Variants in AGMO observed in about 807,000 individuals in gnomAD.
The protein encoded by AGMO is glyceryl-ether monooxygenase.
A neutral mutation model predicts 60.2 loss-of-function variants in AGMO; 75 were observed. The observed-to-expected ratio is 1.25, with a 90% CI of 1.03 to 1.51. AGMO has a LOEUF of 1.51. Among genes scored for constraint, AGMO ranks in the 40% most tolerant of loss-of-function variants. The probability of loss-of-function intolerance (pLI) is 0.00; values close to 1 mark genes in which losing one functional copy is unlikely to be tolerated. For missense variants in AGMO, 763 were observed against 525.5 expected, an observed-to-expected ratio of 1.45 and a Z score of -4.42; for synonymous variants, 261 against 177.1, an observed-to-expected ratio of 1.47 and a Z score of -3.76.
chr7:15,161,693 ATGTG>A, the AGMO span, among the ~76,000 whole-genome samples: 9 of 150,984 alleles, frequency 6.0e-5, no homozygotes, highest in East Asian at 1.9e-4. Flanking sequence ...ATATGTATAT[ATGTG>A]TGTGTGTATA....
intron 12 of AGMO, among the ~76,000 whole-genome samples, chr7:15,355,524 AGAAGGTAAGATCATG>A (rs1461468870): frequency 6.6e-6 from 1 of 150,612 alleles, no homozygotes; most frequent in Non-Finnish European, 1.5e-5. Flanking sequence ...AAAAAAAAAA[AGAAGGTAAGATCATG>A]GAATTAATTC....
At chr7:15,274,464 A>T (rs958708512) in intron 12 of AGMO, among the ~76,000 whole-genome samples, 2 of 152,174 alleles carry the variant, frequency 1.3e-5, no homozygotes, top group African/African-American at 4.8e-5. Context: ...CCCAGGGTGA[A>T]GCCCACTTGA....
intron 10 of AGMO, among the ~76,000 whole-genome samples, chr7:15,380,167 T>A (rs10261311): frequency 0.47 from 71,694 of 151,818 alleles, 20,068 homozygotes; most frequent in African/African-American, 0.79. Context: ...GGGCAGGGCA[T>A]TCAGGCAAGA....
intron 12 of AGMO, among the ~76,000 whole-genome samples, chr7:15,205,547 T>C (rs2115469941): frequency 6.6e-6 from 1 of 152,302 alleles, no homozygotes; most frequent in Middle Eastern, 3.4e-3. Context: ...ACTAATAAGA[T>C]GAATAAACAT....
intron 12 of AGMO, among the ~76,000 whole-genome samples, chr7:15,352,397 A>C (rs1782274777): frequency 1.3e-5 from 2 of 151,158 alleles, no homozygotes; most frequent in Admixed American, 1.3e-4. Context: ...CTACAAACTC[A>C]CGTGCAAACC....
chr7:15,471,321 T>C (rs966305592), intron 3 of AGMO, among the ~76,000 whole-genome samples: 5 of 151,936 alleles, frequency 3.3e-5, no homozygotes, highest in Non-Finnish European at 7.4e-5. Context: ...CTTCATCGTA[T>C]ATCTGAACAT....
At chr7:15,161,827 G>A in the AGMO span, among the ~76,000 whole-genome samples, 1 of 152,012 alleles carries the variant, frequency 6.6e-6, no homozygotes, top group African/African-American at 2.4e-5. Context: ...CATCCTGTTA[G>A]TATGTGGCCT....
intron 11 of AGMO, 52 bp from the exon 12 acceptor site, chr7:15,365,671 G>A: frequency 8.4e-7 from 1 of 1,191,872 alleles, no homozygotes; most frequent in Non-Finnish European, 1.2e-6. Flanking sequence ...CTCTTTATAT[G>A]TTCACATGTT....
intron 12 of AGMO, among the ~76,000 whole-genome samples, chr7:15,302,543 T>A (rs961014741): frequency 6.6e-6 from 1 of 152,126 alleles, no homozygotes; most frequent in East Asian, 1.9e-4. Context: ...AATGCAAAGG[T>A]TCCTTAAAGA....
At chr7:15,207,737 A>G (rs1400796421) in intron 12 of AGMO, among the ~76,000 whole-genome samples, 1 of 152,146 alleles carries the variant, frequency 6.6e-6, no homozygotes, top group Non-Finnish European at 1.5e-5. Context: ...GATCGAGACC[A>G]TCCTGGCTAA....
chr7:15,226,606 GA>G (rs1782089823), intron 12 of AGMO, among the ~76,000 whole-genome samples: 1 of 151,994 alleles, frequency 6.6e-6, no homozygotes, highest in Admixed American at 6.6e-5. Flanking sequence ...GGCAGATATG[GA>G]GCTTAAAGAG....
chr7:15,341,710 A>T (rs918315847), intron 12 of AGMO, among the ~76,000 whole-genome samples: 6 of 152,106 alleles, frequency 3.9e-5, no homozygotes, highest in South Asian at 2.1e-4. Flanking sequence ...TACCTGAGAG[A>T]GTGGGTAATT....
rs144743556 is a variant in AGMO at position 15,240,951 on chromosome 7, A to G, written c.1264-39592T>C. ...TTGTAAATAGTGAAAGCAAAATTTG[A>G]ACTAGGTCTTTCTCCATCTATTAAA... On this transcript the variant is annotated intron_variant, in intron 12 of 12. Coordinates refer to ENST00000342526, the MANE Select transcript of AGMO (RefSeq NM_001004320.2). Among the ~76,000 whole-genome samples, 1,185 of 152,256 alleles carry G rather than the reference A, an allele frequency of 7.8e-3. 12 individuals are homozygous for G. Among genetic ancestry groups the G allele is most frequent in the African/African-American group, 0.027 (1,133 of 41,540 alleles).
At chr7:15,552,740 A>T (rs1487421471) in intron 2 of AGMO, among the ~76,000 whole-genome samples, 1 of 149,426 alleles carries the variant, frequency 6.7e-6, no homozygotes, top group Non-Finnish European at 1.5e-5. Flanking sequence ...AAACTAGTTC[A>T]ACCATTGTGG....
intron 2 of AGMO, among the ~76,000 whole-genome samples, chr7:15,558,853 C>T (rs558262096): frequency 6.6e-6 from 1 of 151,954 alleles, no homozygotes; most frequent in South Asian, 2.1e-4. Flanking sequence ...AAAAATCCAC[C>T]TTAGCTTCCC....
intron 12 of AGMO, among the ~76,000 whole-genome samples, chr7:15,205,656 G>A (rs543569229): frequency 2.6e-5 from 4 of 152,104 alleles, no homozygotes; most frequent in South Asian, 4.1e-4. Context: ...TGGCATTTTC[G>A]TGAAGATGTC....
the AGMO span, among the ~76,000 whole-genome samples, chr7:15,185,070 T>A: frequency 0.35 from 53,589 of 152,092 alleles, 10,664 homozygotes; most frequent in Middle Eastern, 0.48. Flanking sequence ...ATTCTTTCAA[T>A]GTTTTTCAGA....
intron 12 of AGMO, among the ~76,000 whole-genome samples, chr7:15,294,273 A>G (rs1784353206): frequency 6.6e-6 from 1 of 152,092 alleles, no homozygotes; most frequent in Non-Finnish European, 1.5e-5. Flanking sequence ...CAACTTAGCT[A>G]TAACATGCTA....
At chr7:15,545,251 T>G (rs1186197729) in intron 2 of AGMO, among the ~76,000 whole-genome samples, 1 of 152,168 alleles carries the variant, frequency 6.6e-6, no homozygotes, top group African/African-American at 2.4e-5. Context: ...AGACTAAAAC[T>G]TAATTTCTGT....
Sources: allele counts gnomAD v4.1 joint callset (sites outside exome capture counted in the v4.1 genomes callset), GRCh38; gene constraint gnomAD v4.1.1; transcripts MANE v1.5; gene names NCBI Gene and HGNC (gene_info 2026-07-23, HGNC 2026-07-21).